Variants in SLC27A1 observed in about 807,000 individuals in gnomAD.
SLC27A1 encodes solute carrier family 27 member 1.
Under a neutral mutation model 62.2 loss-of-function variants are expected in SLC27A1, and 61 were observed. The observed-to-expected ratio is 0.98, with a 90% CI of 0.80 to 1.21. SLC27A1 has a LOEUF of 1.21. Among genes scored for constraint, SLC27A1 ranks in the 50% most tolerant of loss-of-function variants. SLC27A1 has a pLI of 0.00. For synonymous variants in SLC27A1, 435 were observed against 408.6 expected, an observed-to-expected ratio of 1.06 and a Z score of -0.78; for missense variants, 903 against 932.1, an observed-to-expected ratio of 0.97 and a Z score of 0.41.
At chr19:17,482,101 G>T (rs781576787) in intron 1 of SLC27A1, among the ~76,000 whole-genome samples, 14 of 152,288 alleles carry the variant, frequency 9.2e-5, no homozygotes, top group Non-Finnish European at 1.9e-4. Context: ...GTCTTGGGCG[G>T]TCTCCTCCCC....
intron 6 of SLC27A1, chr19:17,497,018 C>T: frequency 2.2e-6 from 1 of 464,968 alleles, no homozygotes; most frequent in Non-Finnish European, 3.7e-6. Context: ...GGGAGACCCC[C>T]AACCAAAAAA....
Position 17,486,526 on chromosome 19 carries a change from G to C in SLC27A1, c.168-37G>C. ...GCTCCCAGAGGCCAGGCGGGGCAGG[G>C]CACCAGTGACGCTGTCCCCTCCGTC... is the stretch of plus-strand genomic sequence containing the variant. On this transcript the variant is annotated intron_variant, in intron 1 of 11. Transcript: ENST00000252595. The surrounding 1 kb of genome is among the most constrained non-coding windows in gnomAD (Gnocchi z 6.6). The C allele has an allele frequency of 6.5e-7, 1 of 1,531,768 alleles. No homozygotes were observed. Among genetic ancestry groups the C allele is most frequent in the Non-Finnish European group, 8.7e-7 (1 of 1,144,278 alleles). 94.9% of individuals were successfully genotyped at this position (1,531,768 alleles called of 1,614,324 possible). A position where few individuals can be genotyped will look rare whatever the true frequency, so the allele number is the denominator to read the frequency against.
At chr19:17,500,118 C>T (rs141743149) in intron 7 of SLC27A1, among the ~76,000 whole-genome samples, 160 bp from the exon 8 acceptor site, 4 of 152,272 alleles carry the variant, frequency 2.6e-5, no homozygotes, top group African/African-American at 4.8e-5. Flanking sequence ...GAGTTGGAGG[C>T]GACGCTTACT....
At chr19:17,497,720 G>A in intron 7 of SLC27A1, 1 of 510,292 alleles carries the variant, frequency 2.0e-6, no homozygotes, top group Admixed American at 3.9e-5. Flanking sequence ...GTATGGCTGT[G>A]CGCCCTGGCA....
At chr19:17,483,100 ATGAATGAG>A (rs1443939474) in intron 1 of SLC27A1, among the ~76,000 whole-genome samples, 1 of 152,116 alleles carries the variant, frequency 6.6e-6, no homozygotes, top group African/African-American at 2.4e-5. Flanking sequence ...GAGGGAATGA[ATGAATGAG>A]GGAATGAGGG....
chr19:17,488,214 C>G (rs1568416753), intron 4 of SLC27A1, among the ~76,000 whole-genome samples: 1 of 152,190 alleles, frequency 6.6e-6, no homozygotes, highest in Non-Finnish European at 1.5e-5. Context: ...CAAAAATTAG[C>G]TGGGCGTGGT....
intron 11 of SLC27A1, among the ~76,000 whole-genome samples, chr19:17,503,842 G>A (rs1366031634): frequency 7.1e-6 from 1 of 141,028 alleles, no homozygotes; most frequent in Non-Finnish European, 1.5e-5. Context: ...TGAGGCAGGA[G>A]AATCACTTGA....
intron 6 of SLC27A1, chr19:17,490,044 C>T (rs2075279644): frequency 6.6e-6 from 1 of 152,262 alleles, no homozygotes; most frequent in Admixed American, 6.6e-5. Flanking sequence ...GGGTATACCA[C>T]AAGGTCCACA....
At position 17,496,457 on chromosome 19, in the gene SLC27A1, C is replaced by T. The variant is rs1478828147; in HGVS notation, c.997-798C>T. The T allele has an allele frequency of 2.6e-5, 4 of 152,284 alleles. 1 individual carries two copies. The highest frequency in any genetic ancestry group is 4.4e-5 in the Non-Finnish European group (3 of 68,124). The allele number at this position is 152,284 out of a possible 1,614,324, so 9.4% of individuals were successfully genotyped here. On this transcript the variant is annotated intron_variant, in intron 6 of 11. Coordinates refer to ENST00000252595, the MANE Select transcript of SLC27A1 (RefSeq NM_198580.3). ...AGGGGGAGCCCATGAGCAGGTGGCT[C>T]CGTGGGCACCTGGGGCTCAGTCCAG...
At position 17,501,421 on chromosome 19, in the gene SLC27A1, T is replaced by A; in HGVS notation, c.1783+2T>A. 6.2e-7 allele frequency: 1 copy of A among 1,611,888 alleles called. No individual in the cohort carries two copies. On this transcript the variant is annotated splice_donor_variant, in intron 11 of 11. Transcript: ENST00000252595. LOFTEE classifies it high-confidence loss of function. ...TCCTGCCCCAGGTGGACACCACAGGTGCGAGTCTCCCCCACTCCAATCTCT... is the reference window on the plus strand; with the variant it reads ...TCCTGCCCCAGGTGGACACCACAGGAGCGAGTCTCCCCCACTCCAATCTCT...
At chr19:17,497,137 A>G (rs1599668511) in intron 6 of SLC27A1, 118 bp from the exon 7 acceptor site, 3 of 706,072 alleles carry the variant, frequency 4.2e-6, no homozygotes, top group Non-Finnish European at 2.3e-6. Context: ...CATCATCCTT[A>G]GGCTGTTCCG....
intron 2 of SLC27A1, 47 bp downstream of exon 2, chr19:17,487,004 C>T: frequency 1.3e-6 from 2 of 1,539,764 alleles, no homozygotes; most frequent in Non-Finnish European, 1.7e-6. Flanking sequence ...CAGGACTGGC[C>T]CCTGGGCGGG....
intron 4 of SLC27A1, 78 bp downstream of exon 4, chr19:17,487,607 GCTCCTGTGGGCAT>G: frequency 7.3e-7 from 1 of 1,374,566 alleles, no homozygotes; most frequent in Non-Finnish European, 1.0e-6. Flanking sequence ...CTGCCCCTCA[GCTCCTGTGGGCAT>G]CTCCATGTTA....
Position 17,504,688 on chromosome 19 carries a change from G to C in SLC27A1, c.*76G>C. 6.3e-7 allele frequency: 1 copy of C among 1,585,884 alleles called. No homozygotes were observed. Among genetic ancestry groups the C allele is most frequent in the East Asian group, 2.3e-5 (1 of 43,886 alleles). On this transcript the variant is annotated 3_prime_UTR_variant, in exon 12 of 12. Coordinates refer to ENST00000252595, the MANE Select transcript of SLC27A1 (RefSeq NM_198580.3). Reference sequence around the variant, plus strand: ...TTGAGCCAGACAGCGCTGCCCAGGGGTGGCCGCCTAGTACACACCCACCTG... The same window carrying C: ...TTGAGCCAGACAGCGCTGCCCAGGGCTGGCCGCCTAGTACACACCCACCTG...
intron 6 of SLC27A1, among the ~76,000 whole-genome samples, chr19:17,494,350 C>T (rs1421235423): frequency 1.4e-5 from 2 of 145,908 alleles, no homozygotes; most frequent in South Asian, 2.2e-4. Context: ...CTTTTTGAGA[C>T]GGAGTCTCAC....
Position 17,500,741 on chromosome 19 carries a change from T to C in SLC27A1, c.1501T>C (p.Tyr501His). The change falls in exon 10 of 12, where the codon TAC becomes CAC. Residue 501 changes from tyrosine to histidine, a missense_variant. Transcript: ENST00000252595. ...GDVLVMDELGYMYFRDRSGDT... is the reference protein window; with the variant it reads ...GDVLVMDELGHMYFRDRSGDT... ...CGTGCTAGTGATGGATGAGCTGGGC[T>C]ACATGTACTTCCGGGACCGTAGCGG... is the stretch of plus-strand genomic sequence containing the variant. 1 of 1,614,044 alleles carries C rather than the reference T, an allele frequency of 6.2e-7. No individual in the cohort carries two copies. Among genetic ancestry groups the C allele is most frequent in the Non-Finnish European group, 8.5e-7 (1 of 1,180,006 alleles).
At chr19:17,493,319 C>A (rs1418703620) in intron 6 of SLC27A1, among the ~76,000 whole-genome samples, 1 of 133,348 alleles carries the variant, frequency 7.5e-6, no homozygotes. Flanking sequence ...TCCCAGCTAC[C>A]CGGGAGGCTG....
chr19:17,497,542 A>G (rs1274551936), intron 7 of SLC27A1, 78 bp downstream of exon 7: 1 of 1,334,858 alleles, frequency 7.5e-7, no homozygotes, highest in South Asian at 1.3e-5. Flanking sequence ...GGCCCCTGGG[A>G]TACATAAAAC....
Position 17,500,532 on chromosome 19 carries a change from G to A in SLC27A1, c.1371G>A (p.Gln457=). Reference sequence around the variant, plus strand: ...TCCTTGTGGGTCAGATCAACCAACAGGACCCGCTGCGCCGCTTCGATGGCT... The same window carrying A: ...TCCTTGTGGGTCAGATCAACCAACAAGACCCGCTGCGCCGCTTCGATGGCT... ...PGLLVGQINQ[Q]DPLRRFDGYV... The change falls in exon 9 of 12, where the codon CAG becomes CAA. Residue 457 remains glutamine, a synonymous_variant. Transcript: ENST00000252595. 6.2e-7 allele frequency: 1 copy of A among 1,613,548 alleles called. No individual in the cohort carries two copies. Among genetic ancestry groups the A allele is most frequent in the Non-Finnish European group, 8.5e-7 (1 of 1,179,824 alleles).
Sources: gnomAD v4.1 joint callset for allele counts (sites outside exome capture counted in the v4.1 genomes callset) on GRCh38, gnomAD v4.1.1 for gene constraint, Gnocchi (gnomAD v3.1) non-coding constraint, MANE v1.5 for transcripts, NCBI Gene and HGNC (gene_info 2026-07-23, HGNC 2026-07-21) for gene names.